RPH3AL: variants seen among roughly 807,000 people sequenced by gnomAD.
RPH3AL encodes the protein rabphilin 3A like (without C2 domains), also known as rab effector Noc2.
Under a neutral mutation model 43.1 loss-of-function variants are expected in RPH3AL, and 38 were observed. The observed-to-expected ratio is 0.88, with a 90% CI of 0.68 to 1.15. RPH3AL has a LOEUF of 1.15. Ranked by LOEUF, RPH3AL falls within the 50% of genes most tolerant of loss-of-function variation. The pLI is 0.00. For missense variants in RPH3AL, 462 were observed against 423.2 expected (o/e 1.09, Z -0.81); for synonymous variants, 189 against 176.3 (o/e 1.07, Z -0.57).
chr17:267,309 C>T lies in RPH3AL; in HGVS notation c.438+14459G>A, dbSNP rs79698508. Among the ~76,000 whole-genome samples, 989 of 152,314 alleles carry T rather than the reference C, an allele frequency of 6.5e-3. 25 individuals carry two copies. The highest frequency in any genetic ancestry group is 0.047 in the Admixed American group (725 of 15,304). ...CCCAGTACTGAGGCTGCTCTGACAC[C>T]GGTTTGAGAGAGGGCAGGCCTGTTA... is the stretch of plus-strand genomic sequence containing the variant. On this transcript the variant is annotated intron_variant, in intron 6 of 9. Transcript: ENST00000331302.
At chr17:318,633 GCTAA>G (rs1347427236) in intron 5 of RPH3AL, among the ~76,000 whole-genome samples, 3 of 152,044 alleles carry the variant, frequency 2.0e-5, no homozygotes, top group Non-Finnish European at 4.4e-5. Flanking sequence ...TAATTAAGAT[GCTAA>G]CTATCTTGAG....
At chr17:319,585 T>C (rs748410010) in intron 4 of RPH3AL, 36 bp from the exon 5 acceptor site, 5 of 1,604,902 alleles carry the variant, frequency 3.1e-6, no homozygotes, top group Non-Finnish European at 4.2e-6. Flanking sequence ...GGGACTGTGC[T>C]TCCTGCCTGG....
In RPH3AL at chr17:235,401, C is replaced by T. The variant is rs577448043; in HGVS notation, c.613+11710G>A. On this transcript the variant is annotated intron_variant, in intron 7 of 9. Transcript: ENST00000331302. Reference sequence around the variant, plus strand: ...GGCTCTACACTAACAAGACAGGTCCCGGGTTCAAAGCTGGGGTCGGCCGAG... The same window carrying T: ...GGCTCTACACTAACAAGACAGGTCCTGGGTTCAAAGCTGGGGTCGGCCGAG... Among the ~76,000 whole-genome samples the T allele has an allele frequency of 9.4e-5, 8 of 85,082 alleles. 1 individual carries two copies. The highest frequency in any genetic ancestry group is 6.6e-4 in the East Asian group (2 of 3,008). The allele number at this position is 85,082 out of a possible 152,430, so 55.8% of individuals were successfully genotyped here.
chr17:326,874 AGGACCCCCAAG>A (rs1161851925), intron 3 of RPH3AL, among the ~76,000 whole-genome samples: 1 of 152,206 alleles, frequency 6.6e-6, no homozygotes, highest in African/African-American at 2.4e-5. Flanking sequence ...AAAGAAAGCC[AGGACCCCCAAG>A]GGAAGAAACT....
intron 5 of RPH3AL, among the ~76,000 whole-genome samples, chr17:317,235 C>T (rs1196595822): frequency 6.8e-6 from 1 of 147,632 alleles, no homozygotes; most frequent in African/African-American, 2.5e-5. Context: ...AGTGCCTGTG[C>T]TCCACCTCCA....
In RPH3AL at chr17:345,478, C is replaced by G. The variant is rs1017628512; in HGVS notation, c.-213+7234G>C. Among the ~76,000 whole-genome samples, 5 of 134,802 alleles carry G rather than the reference C, an allele frequency of 3.7e-5. 1 individual carries two copies. The highest frequency in any genetic ancestry group is 8.5e-5 in the Non-Finnish European group (5 of 59,092). 88.4% of individuals were successfully genotyped at this position (134,802 alleles called of 152,430 possible). On this transcript the variant is annotated intron_variant, in intron 1 of 9. Coordinates refer to ENST00000331302, the MANE Select transcript of RPH3AL (RefSeq NM_006987.4). ...CCTCAGAGAAGCTGGAAGGGGGAAT[C>G]CCTGGGGTTTCTACGCCTGTATAGC...
At chr17:226,057 A>T (rs1372635236) in intron 7 of RPH3AL, among the ~76,000 whole-genome samples, 1 of 152,230 alleles carries the variant, frequency 6.6e-6, no homozygotes, top group Admixed American at 6.5e-5. Flanking sequence ...CGTGCATTTT[A>T]TCCAAAACAG....
intron 6 of RPH3AL, among the ~76,000 whole-genome samples, chr17:252,116 T>C (rs1555542777): frequency 6.6e-6 from 1 of 151,734 alleles, no homozygotes; most frequent in South Asian, 2.1e-4. Context: ...GGACTATAGG[T>C]GGTGTGCGCC....
chr17:302,225 G>A (rs568404438), intron 5 of RPH3AL, among the ~76,000 whole-genome samples: 15 of 152,336 alleles, frequency 9.8e-5, no homozygotes, highest in South Asian at 6.2e-4. Flanking sequence ...AGGCAGGCCC[G>A]AGAGAGTCTC....
intron 6 of RPH3AL, among the ~76,000 whole-genome samples, chr17:263,233 C>G (rs1008081542): frequency 6.6e-6 from 1 of 152,112 alleles, no homozygotes; most frequent in Non-Finnish European, 1.5e-5. Flanking sequence ...GTCAAGGGTA[C>G]CAAAGCTGAC....
chr17:337,142 G>T (rs1307197478), intron 1 of RPH3AL, among the ~76,000 whole-genome samples: 2 of 152,026 alleles, frequency 1.3e-5, no homozygotes, highest in African/African-American at 2.4e-5. Context: ...TTGAGACAGG[G>T]TCTTGCTCCG....
At chr17:331,611 G>A (rs1465139774) in intron 2 of RPH3AL, 8 of 1,286,852 alleles carry the variant, frequency 6.2e-6, no homozygotes, top group East Asian at 5.6e-5. Flanking sequence ...AACTGCCCAC[G>A]GAGCCAGTTT....
intron 6 of RPH3AL, among the ~76,000 whole-genome samples, chr17:278,096 G>A (rs1196470030): frequency 6.6e-6 from 1 of 152,104 alleles, no homozygotes; most frequent in Non-Finnish European, 1.5e-5. Context: ...ATCTTGAACT[G>A]CAGCTCCCAT....
At chr17:233,313 G>C (rs1478071033) in intron 7 of RPH3AL, among the ~76,000 whole-genome samples, 2 of 152,138 alleles carry the variant, frequency 1.3e-5, no homozygotes, top group Non-Finnish European at 2.9e-5. Context: ...ACCGCTGGGA[G>C]AGAACAGACT....
rs567115180 is a variant in RPH3AL, at chr17:301,913, T to C, written c.351+17507A>G. Among the ~76,000 whole-genome samples the C allele has an allele frequency of 2.6e-5, 4 of 152,304 alleles. No homozygotes were observed. The East Asian group carries it at 5.8e-4, about 22-fold the overall frequency. On this transcript the variant is annotated intron_variant, in intron 5 of 9. Transcript: ENST00000331302. The stretch of plus-strand genomic sequence containing the variant: ...TATGAACACTGCCTTGCCTTTTGCC[T>C]GCCCATCTCCTGGGGGCCATGAGGG...
At chr17:327,381 C>A (rs1292764249) in intron 3 of RPH3AL, 86 bp downstream of exon 3, 3 of 1,206,444 alleles carry the variant, frequency 2.5e-6, no homozygotes, top group African/African-American at 3.0e-5. Context: ...TCTTTCTGGG[C>A]CCCTGGGAAT....
chr17:321,615 C>T (rs2044479382), intron 3 of RPH3AL, 200 bp from the exon 4 acceptor site: 1 of 544,062 alleles, frequency 1.8e-6, no homozygotes, highest in Non-Finnish European at 3.1e-6. Context: ...GCCCAGGTGG[C>T]AACAGAGACG....
intron 1 of RPH3AL, among the ~76,000 whole-genome samples, chr17:346,499 A>G (rs1429951064): frequency 7.5e-6 from 1 of 134,056 alleles, no homozygotes; most frequent in African/African-American, 2.6e-5. Flanking sequence ...ACTCCCCCTT[A>G]CAGAACCATC....
chr17:311,776 T>G (rs2043653086), intron 5 of RPH3AL, among the ~76,000 whole-genome samples: 1 of 152,194 alleles, frequency 6.6e-6, no homozygotes, highest in Non-Finnish European at 1.5e-5. Context: ...GAGGCTTTTA[T>G]GTAAATTACA....
Sources: gnomAD v4.1 joint callset for allele counts (sites outside exome capture counted in the v4.1 genomes callset) on GRCh38, gnomAD v4.1.1 for gene constraint, MANE v1.5 for transcripts, NCBI Gene and HGNC (gene_info 2026-07-23, HGNC 2026-07-21) for gene names.